The following SNRPB variants were observed in gnomAD, a reference collection of about 807,000 sequenced individuals.
SNRPB encodes the protein small nuclear ribonucleoprotein-associated proteins B and B'.
Under a neutral mutation model 26.6 loss-of-function variants are expected in SNRPB, and 5 were observed. The observed-to-expected ratio is 0.19, with a 90% CI of 0.10 to 0.39. SNRPB has a LOEUF of 0.39. Ranked by LOEUF, SNRPB falls within the 10% of genes least tolerant of loss-of-function variation. SNRPB has a pLI of 1.00. For synonymous variants in SNRPB, 122 were observed against 105.8 expected (o/e 1.15, Z -0.94); for missense variants, 211 against 311.9 (o/e 0.68, Z 2.44).
chr20:2,464,529 C>T (rs1190766136), intron 3 of SNRPB, among the ~76,000 whole-genome samples: 1 of 152,170 alleles, frequency 6.6e-6, no homozygotes, highest in Admixed American at 6.5e-5. Context: ...CTACTCTGTA[C>T]TCATTTGAGA....
In SNRPB at chr20:2,462,638, C is replaced by T. The variant is rs759671047; in HGVS notation, c.683G>A (p.Arg228Gln). The change falls in exon 6 of 7, where the codon CGA becomes CAA. Residue 228 changes from arginine to glutamine, a missense_variant and splice_region_variant. Coordinates refer to ENST00000381342, the MANE Select transcript of SNRPB (RefSeq NM_003091.4). ...PGMRPPPPGM[R>Q]GLL ...AAGTCACCACTGCAGGCACTTACCT[C>T]GCATCCCAGGGGGAGGAGGCCGCAT... 4.3e-6 allele frequency: 7 copies of T among 1,612,946 alleles called. No homozygotes were observed. Among genetic ancestry groups the T allele is most frequent in the South Asian group, 3.3e-5 (3 of 91,068 alleles).
intron 1 of SNRPB, 57 bp downstream of exon 1, chr20:2,470,631 T>C: frequency 1.2e-6 from 2 of 1,610,754 alleles, no homozygotes; most frequent in East Asian, 2.2e-5. Context: ...TCAGTCGCGG[T>C]TCCCACTCCA....
At position 2,465,842 on chromosome 20, in the gene SNRPB, C is replaced by A. The variant is rs1259344674; in HGVS notation, c.156-23G>T. 1.2e-5 allele frequency: 19 copies of A among 1,587,324 alleles called. No individual in the cohort carries two copies. The Admixed American group carries it at 1.2e-4, about 10-fold the overall frequency. Reference sequence around the variant, plus strand: ...GGCCTAAAGAGAGGTTTAGAAGGAACAAAAAAAGTGTTAGAGGTGGGTAAA... The same window carrying A: ...GGCCTAAAGAGAGGTTTAGAAGGAAAAAAAAAAGTGTTAGAGGTGGGTAAA... On this transcript the variant is annotated intron_variant, in intron 2 of 6. Transcript: ENST00000381342.
intron 1 of SNRPB, 36 bp downstream of exon 1, chr20:2,470,652 G>A: frequency 2.5e-6 from 4 of 1,613,314 alleles, no homozygotes; most frequent in Middle Eastern, 1.6e-4. Flanking sequence ...CAACAGACTC[G>A]GAAGCTCCCG....
In SNRPB at chr20:2,461,909, C is replaced by A. The variant is rs769349964; in HGVS notation, c.*20G>T. The A allele has an allele frequency of 1.9e-6, 3 of 1,613,474 alleles. No homozygotes were observed. In the African/African-American group the frequency reaches 4.0e-5, roughly 22 times the overall value. Reference sequence around the variant, plus strand: ...AGCCCACGCCTCTGCGGAGCTACTTCCATACTCTGTGGCCAAGGGTCAAAG... The same window carrying A: ...AGCCCACGCCTCTGCGGAGCTACTTACATACTCTGTGGCCAAGGGTCAAAG... On this transcript the variant is annotated 3_prime_UTR_variant, in exon 7 of 7. Transcript: ENST00000381342.
At chr20:2,466,961 C>G (rs138819406) in intron 2 of SNRPB, among the ~76,000 whole-genome samples, 1 of 152,166 alleles carries the variant, frequency 6.6e-6, no homozygotes, top group African/African-American at 2.4e-5. Context: ...CTGCTGGCCA[C>G]GGAAGTCACA....
intron 1 of SNRPB, among the ~76,000 whole-genome samples, chr20:2,468,994 G>A (rs1220505085): frequency 1.3e-5 from 2 of 152,184 alleles, no homozygotes; most frequent in Admixed American, 1.3e-4. Flanking sequence ...AGGTGGTTCA[G>A]TTTCCATTCA....
intron 1 of SNRPB, 125 bp downstream of exon 1, chr20:2,470,563 G>A: frequency 8.6e-7 from 1 of 1,156,368 alleles, no homozygotes; most frequent in Non-Finnish European, 1.3e-6. Flanking sequence ...CAGACCGAGC[G>A]GCCTCGGCCC....
intron 2 of SNRPB, 117 bp downstream of exon 2, chr20:2,467,475 TAAGTCTGCCCTCTAA>T (rs1447658515): frequency 1.0e-4 from 84 of 802,044 alleles, no homozygotes; most frequent in Non-Finnish European, 1.5e-4. Context: ...TGTCCCCATT[TAAGTCTGCCCTCTAA>T]AACTGGAGAA....
Position 2,463,555 on chromosome 20 carries a change from T to C in SNRPB, c.420+192A>G, listed in dbSNP as rs1465032941. Reference sequence around the variant, plus strand: ...TTGGCTAATTCGTACATCTCTTTAATAGCATCAACATAATTTACAATGGCA... The same window carrying C: ...TTGGCTAATTCGTACATCTCTTTAACAGCATCAACATAATTTACAATGGCA... On this transcript the variant is annotated intron_variant, in intron 4 of 6. Transcript: ENST00000381342. This position sits in a 1 kb window ranked among gnomAD's most constrained non-coding sequence, Gnocchi z 5.0. 6.6e-6 allele frequency among the ~76,000 whole-genome samples: 1 copy of C among 152,274 alleles called. No individual in the cohort carries two copies. Among genetic ancestry groups the C allele is most frequent in the Non-Finnish European group, 1.5e-5 (1 of 68,048 alleles).
chr20:2,466,022 G>A (rs1184257130), intron 2 of SNRPB, among the ~76,000 whole-genome samples: 1 of 152,006 alleles, frequency 6.6e-6, no homozygotes, highest in Admixed American at 6.6e-5. Flanking sequence ...CATGCCAAGA[G>A]GACACACTGA....
In SNRPB at chr20:2,463,262, A is replaced by T. The variant is rs2085048543; in HGVS notation, c.421-35T>A. 1.3e-6 allele frequency: 2 copies of T among 1,570,922 alleles called. No homozygotes were observed. The highest frequency in any genetic ancestry group is 1.8e-6 in the Non-Finnish European group (2 of 1,141,072). The stretch of plus-strand genomic sequence containing the variant: ...CATAAGAAGAAAGAGTTAGAAGAGT[A>T]CAGTACAATGCAGCTTCCCACTCTC... On this transcript the variant is annotated intron_variant, in intron 4 of 6. Transcript: ENST00000381342. This position sits in a 1 kb window ranked among gnomAD's most constrained non-coding sequence, Gnocchi z 5.0.
At chr20:2,465,558 G>A in intron 3 of SNRPB, 150 bp downstream of exon 3, 4 of 611,302 alleles carry the variant, frequency 6.5e-6, no homozygotes, top group Non-Finnish European at 1.2e-5. Flanking sequence ...CCTCTTGCAG[G>A]GTAACCTCTT....
At chr20:2,468,272 G>GT (rs1340250569) in intron 1 of SNRPB, among the ~76,000 whole-genome samples, 1 of 152,204 alleles carries the variant, frequency 6.6e-6, no homozygotes, top group Non-Finnish European at 1.5e-5. Context: ...TCAAGAATTT[G>GT]TTAGTGTGCC....
intron 2 of SNRPB, 95 bp from the exon 3 acceptor site, chr20:2,465,914 TAACA>T (rs751508287): frequency 1.5e-4 from 130 of 846,116 alleles, no homozygotes; most frequent in Middle Eastern, 4.4e-4. Context: ...CTGCATCTCC[TAACA>T]AACAGTACAC....
In SNRPB at chr20:2,463,109, C is replaced by T; in HGVS notation, c.539G>A (p.Gly180Asp). The T allele has an allele frequency of 6.3e-7, 1 of 1,592,898 alleles. No individual in the cohort carries two copies. Among genetic ancestry groups the T allele is most frequent in the Non-Finnish European group, 8.5e-7 (1 of 1,169,960 alleles). Reference protein sequence around the residue: ...PGRGGPPPPMGRGAPPPGMMG... With the variant: ...PGRGGPPPPMDRGAPPPGMMG... ...CTCACCTGGAGGGGGTGCTCCTCGGCCCATAGGTGGGGGAGGACCCCCACG... is the reference window on the plus strand; with the variant it reads ...CTCACCTGGAGGGGGTGCTCCTCGGTCCATAGGTGGGGGAGGACCCCCACG... Residue 180 changes from glycine (G) to aspartate (D), a missense_variant, in exon 5 of 7, where the codon GGC becomes GAC. By Grantham distance (94) the Gly-to-Asp change is moderately conservative. Transcript: ENST00000381342. The surrounding 1 kb of genome is among the most constrained non-coding windows in gnomAD (Gnocchi z 5.0).
chr20:2,466,983 T>G (rs2085078689), intron 2 of SNRPB, among the ~76,000 whole-genome samples: 1 of 152,256 alleles, frequency 6.6e-6, no homozygotes, highest in Non-Finnish European at 1.5e-5. Context: ...CATCTTTTTG[T>G]GCCTCAAGTA....
At position 2,461,685 on chromosome 20, in the gene SNRPB, A is replaced by AT; in HGVS notation, c.*243_*244insA. On this transcript the variant is annotated 3_prime_UTR_variant, in exon 7 of 7. Transcript: ENST00000381342. ...TTATTATAAACCAGTTTCATAGGCCACAAGGAGATAAAAGGACTATGTACA... is the reference window on the plus strand; with the variant it reads ...TTATTATAAACCAGTTTCATAGGCCATCAAGGAGATAAAAGGACTATGTACA... The AT allele has an allele frequency of 4.7e-6, 5 of 1,063,992 alleles. No individual in the cohort carries two copies. The East Asian group carries it at 1.3e-4, about 27-fold the overall frequency. 65.9% of individuals were successfully genotyped at this position (1,063,992 alleles called of 1,614,324 possible). A position where few individuals can be genotyped will look rare whatever the true frequency, so the allele number is the denominator to read the frequency against.
At chr20:2,469,671 C>T (rs747201600) in intron 1 of SNRPB, among the ~76,000 whole-genome samples, 1 of 151,994 alleles carries the variant, frequency 6.6e-6, no homozygotes, top group African/African-American at 2.4e-5. Flanking sequence ...CCAGCCTGGG[C>T]AACAAAAGCA....
Sources: gnomAD v4.1 joint callset for allele counts (sites outside exome capture counted in the v4.1 genomes callset) on GRCh38, gnomAD v4.1.1 for gene constraint, Gnocchi (gnomAD v3.1) non-coding constraint, MANE v1.5 for transcripts, NCBI Gene and HGNC (gene_info 2026-07-23, HGNC 2026-07-21) for gene names.